PPFIA2: variants seen among roughly 807,000 people sequenced by gnomAD.
The protein encoded by PPFIA2 is PPFI scaffold protein A2, also known as liprin-alpha-2.
In PPFIA2, 46 loss-of-function variants were observed where a neutral mutation model predicts 175.5. The observed-to-expected ratio is 0.26, with a 90% CI of 0.21 to 0.34. PPFIA2 has a LOEUF of 0.34. PPFIA2 is among the 10% of genes least tolerant of loss of function. PPFIA2 has a pLI of 1.00. For missense variants in PPFIA2, 1,179 were observed against 1,506.1 expected (o/e 0.78, Z 3.60); for synonymous variants, 568 against 511.4 (o/e 1.11, Z -1.49).
intron 4 of PPFIA2, among the ~76,000 whole-genome samples, chr12:81,663,589 A>G (rs2069420379): frequency 5.9e-5 from 9 of 152,218 alleles, no homozygotes; most frequent in Admixed American, 5.9e-4. Context: ...GGAAGAATCA[A>G]TATCATGAAA....
intron 4 of PPFIA2, among the ~76,000 whole-genome samples, chr12:81,657,665 T>C (rs539655299): frequency 6.6e-6 from 1 of 152,270 alleles, no homozygotes; most frequent in East Asian, 1.9e-4. Flanking sequence ...AATTTGGCAA[T>C]TAAATGCAAA....
intron 4 of PPFIA2, among the ~76,000 whole-genome samples, chr12:81,518,366 A>G (rs964413802): frequency 8.5e-5 from 13 of 152,088 alleles, no homozygotes; most frequent in African/African-American, 2.9e-4. Context: ...CTCATTCTCT[A>G]TCTACTAGTT....
At chr12:81,281,890 G>A (rs2042163832) in intron 26 of PPFIA2, among the ~76,000 whole-genome samples, 1 of 151,982 alleles carries the variant, frequency 6.6e-6, no homozygotes, top group Admixed American at 6.6e-5. Context: ...TGTGAAATGG[G>A]AACCTCAGTA....
intron 4 of PPFIA2, among the ~76,000 whole-genome samples, chr12:81,591,796 C>A (rs1370566393): frequency 6.6e-6 from 1 of 152,170 alleles, no homozygotes; most frequent in East Asian, 1.9e-4. Flanking sequence ...GATGCCCAGG[C>A]AGAAGTTTTC....
chr12:81,400,529 G>T (rs2041938874), intron 8 of PPFIA2, among the ~76,000 whole-genome samples: 1 of 151,898 alleles, frequency 6.6e-6, no homozygotes, highest in African/African-American at 2.4e-5. Flanking sequence ...GTACTTTTTT[G>T]TCCATAATTC....
chr12:81,497,143 C>G (rs1008850123), intron 4 of PPFIA2, among the ~76,000 whole-genome samples: 1 of 152,316 alleles, frequency 6.6e-6, no homozygotes, highest in Non-Finnish European at 1.5e-5. Context: ...GCAGTGCCAC[C>G]TCCCTAGAGA....
At chr12:81,587,168 A>G (rs1174812944) in intron 4 of PPFIA2, among the ~76,000 whole-genome samples, 1 of 152,048 alleles carries the variant, frequency 6.6e-6, no homozygotes, top group East Asian at 1.9e-4. Flanking sequence ...CCCCATCCAA[A>G]TATCATCTTG....
At chr12:81,465,051 T>TTTCCTGAG (rs1469499137) in intron 4 of PPFIA2, among the ~76,000 whole-genome samples, 2 of 152,116 alleles carry the variant, frequency 1.3e-5, no homozygotes, top group African/African-American at 4.8e-5. Context: ...TAGGAGAAGC[T>TTTCCTGAG]GCATGGTAAG....
chr12:81,341,355 A>C (rs1232260219), intron 19 of PPFIA2, 147 bp from the exon 20 acceptor site: 1 of 621,974 alleles, frequency 1.6e-6, no homozygotes, highest in East Asian at 3.1e-5. Context: ...TCTTACATAC[A>C]TAAATTCCCA....
chr12:81,620,962 T>C (rs1429527790), intron 4 of PPFIA2, among the ~76,000 whole-genome samples: 2 of 152,216 alleles, frequency 1.3e-5, no homozygotes, highest in South Asian at 2.1e-4. Context: ...TCTAAAGCTA[T>C]ATGAATTGGT....
At chr12:81,745,491 CT>C (rs1451148471) in intron 3 of PPFIA2, among the ~76,000 whole-genome samples, 1 of 152,024 alleles carries the variant, frequency 6.6e-6, no homozygotes, top group Non-Finnish European at 1.5e-5. Context: ...AAGCAATGAC[CT>C]TTTTTTTCTT....
At chr12:81,486,221 G>A (rs958127211) in intron 4 of PPFIA2, among the ~76,000 whole-genome samples, 9 of 151,656 alleles carry the variant, frequency 5.9e-5, no homozygotes, top group Non-Finnish European at 1.2e-4. Flanking sequence ...TTTACATGTA[G>A]GGAAATAGTG....
intron 4 of PPFIA2, among the ~76,000 whole-genome samples, chr12:81,466,737 C>T (rs1209308056): frequency 6.6e-6 from 1 of 151,740 alleles, no homozygotes; most frequent in African/African-American, 2.4e-5. Context: ...TGGTTGGGAA[C>T]GTATTTGGAG....
chr12:81,401,606 T>TTTGA (rs2142753065), intron 8 of PPFIA2, among the ~76,000 whole-genome samples: 1 of 152,330 alleles, frequency 6.6e-6, no homozygotes, highest in South Asian at 2.1e-4. Flanking sequence ...ATCAAATTTA[T>TTTGA]TACAGACTAT....
chr12:81,697,656 A>C (rs530271749), intron 3 of PPFIA2, among the ~76,000 whole-genome samples: 1 of 152,288 alleles, frequency 6.6e-6, no homozygotes, highest in South Asian at 2.1e-4. Flanking sequence ...AAAATCAATC[A>C]GTAGAAAAAC....
At chr12:81,632,472 T>A (rs11114949) in intron 4 of PPFIA2, among the ~76,000 whole-genome samples, 9,264 of 152,140 alleles carry the variant, frequency 0.061, 411 homozygotes, top group East Asian at 0.22. Context: ...AATTTTCAAG[T>A]GTACATTGCA....
chr12:81,308,376 T>C (rs2049875545), intron 22 of PPFIA2, among the ~76,000 whole-genome samples: 1 of 152,158 alleles, frequency 6.6e-6, no homozygotes, highest in Non-Finnish European at 1.5e-5. Context: ...AAGATACATA[T>C]TGACACACAT....
At chr12:81,334,459 T>C (rs544611812) in intron 21 of PPFIA2, among the ~76,000 whole-genome samples, 2 of 150,158 alleles carry the variant, frequency 1.3e-5, no homozygotes, top group East Asian at 2.0e-4. Context: ...ATAAATTATT[T>C]TGGATTATCT....
chr12:81,440,617 T>G (rs1249636094), intron 6 of PPFIA2, among the ~76,000 whole-genome samples: 1 of 152,004 alleles, frequency 6.6e-6, no homozygotes, highest in African/African-American at 2.4e-5. Context: ...TATCTTGGAA[T>G]TTCCAACTAG....
Sources: gnomAD v4.1 joint callset for allele counts (sites outside exome capture counted in the v4.1 genomes callset) on GRCh38, gnomAD v4.1.1 for gene constraint, MANE v1.5 for transcripts, NCBI Gene and HGNC (gene_info 2026-07-23, HGNC 2026-07-21) for gene names.